DGKB: variants seen among roughly 807,000 people sequenced by gnomAD.
DGKB encodes 90 kDa diacylglycerol kinase.
Under a neutral mutation model 114.3 loss-of-function variants are expected in DGKB, and 67 were observed. That is an observed-to-expected ratio of 0.59 (90% confidence interval 0.48 to 0.72). The LOEUF is 0.72. Among genes scored for constraint, DGKB ranks in the 30% least tolerant of loss-of-function variants. DGKB has a pLI of 0.00. For synonymous variants in DGKB, 398 were observed against 323.1 expected, an observed-to-expected ratio of 1.23 and a Z score of -2.49; for missense variants, 907 against 975.2, an observed-to-expected ratio of 0.93 and a Z score of 0.93.
At chr7:14,365,552 C>A (rs1816532434) in intron 21 of DGKB, among the ~76,000 whole-genome samples, 1 of 151,954 alleles carries the variant, frequency 6.6e-6, no homozygotes, top group Non-Finnish European at 1.5e-5. Context: ...ATACATAGAT[C>A]ATATCTATCT....
chr7:14,149,343 G>A (rs892634527), intron 25 of DGKB, 105 bp from the exon 26 acceptor site: 1 of 769,578 alleles, frequency 1.3e-6, no homozygotes, highest in South Asian at 1.9e-5. Context: ...TATTTCATGA[G>A]TGACTGAAAC....
At chr7:14,165,125 G>A (rs970951323) in intron 25 of DGKB, among the ~76,000 whole-genome samples, 4 of 152,018 alleles carry the variant, frequency 2.6e-5, no homozygotes, top group African/African-American at 9.7e-5. Flanking sequence ...AGATATCCCA[G>A]AAAACATTAT....
chr7:14,449,444 C>T (rs1424431207), intron 21 of DGKB, among the ~76,000 whole-genome samples: 2 of 151,858 alleles, frequency 1.3e-5, no homozygotes, highest in Non-Finnish European at 2.9e-5. Context: ...TATCATTCGC[C>T]CACTCAAGAC....
At chr7:14,936,756 G>A (rs1457701444) in intron 1 of DGKB, among the ~76,000 whole-genome samples, 5 of 152,006 alleles carry the variant, frequency 3.3e-5, no homozygotes, top group Non-Finnish European at 7.4e-5. Flanking sequence ...ATGTCATCCT[G>A]CTGCGTTGTT....
chr7:14,874,565 C>G (rs1045652357), intron 1 of DGKB, among the ~76,000 whole-genome samples: 1 of 151,800 alleles, frequency 6.6e-6, no homozygotes, highest in African/African-American at 2.4e-5. Flanking sequence ...CTCTCTCTCT[C>G]TTTTTCTATA....
chr7:14,170,145 A>AAAAAAG (rs1369239302), intron 25 of DGKB, among the ~76,000 whole-genome samples: 5 of 100,006 alleles, frequency 5.0e-5, no homozygotes, highest in Admixed American at 2.4e-4. Flanking sequence ...AAAAAAAAAA[A>AAAAAAG]AAAGAAAGAA....
intron 23 of DGKB, among the ~76,000 whole-genome samples, chr7:14,183,948 AC>A (rs138160387): frequency 6.6e-6 from 1 of 151,942 alleles, no homozygotes; most frequent in South Asian, 2.1e-4. Context: ...AGCCTGGGAG[AC>A]CCCCCAAATA....
chr7:14,824,313 C>A (rs563467692), intron 2 of DGKB, among the ~76,000 whole-genome samples: 2 of 152,016 alleles, frequency 1.3e-5, no homozygotes, highest in South Asian at 4.1e-4. Context: ...TACGTTTTCA[C>A]GTTAAAAATA....
At chr7:14,158,671 G>A (rs886927120) in intron 25 of DGKB, among the ~76,000 whole-genome samples, 2 of 152,160 alleles carry the variant, frequency 1.3e-5, no homozygotes, top group African/African-American at 4.8e-5. Flanking sequence ...ATTGCTTGGT[G>A]TTATGATAAT....
intron 3 of DGKB, among the ~76,000 whole-genome samples, chr7:14,756,366 TC>T (rs1411612829): frequency 6.6e-6 from 1 of 151,960 alleles, no homozygotes; most frequent in Non-Finnish European, 1.5e-5. Context: ...AATTTTTTTT[TC>T]CTCCTCCTCT....
intron 1 of DGKB, among the ~76,000 whole-genome samples, chr7:14,885,441 G>A (rs1854892426): frequency 6.6e-6 from 1 of 151,912 alleles, no homozygotes; most frequent in Non-Finnish European, 1.5e-5. Flanking sequence ...TGGAGAGAGT[G>A]AGAATAGAGC....
chr7:14,187,676 A>G (rs907459141), intron 23 of DGKB, among the ~76,000 whole-genome samples: 1 of 152,202 alleles, frequency 6.6e-6, no homozygotes, highest in Non-Finnish European at 1.5e-5. Flanking sequence ...AATGCACCAC[A>G]TTTAACACTA....
At chr7:14,616,398 T>G (rs1806531761) in intron 15 of DGKB, among the ~76,000 whole-genome samples, 1 of 151,708 alleles carries the variant, frequency 6.6e-6, no homozygotes, top group African/African-American at 2.4e-5. Context: ...AATTCTCTTT[T>G]GGATTGTATC....
At chr7:14,813,172 C>T (rs10266053) in intron 2 of DGKB, among the ~76,000 whole-genome samples, 1 of 152,116 alleles carries the variant, frequency 6.6e-6, no homozygotes, top group African/African-American at 2.4e-5. Flanking sequence ...TTCAAAGGAC[C>T]TTCACCACCT....
intron 23 of DGKB, among the ~76,000 whole-genome samples, chr7:14,281,742 A>C (rs1170782600): frequency 6.6e-6 from 1 of 152,118 alleles, no homozygotes; most frequent in African/African-American, 2.4e-5. Flanking sequence ...GAAACTAAAC[A>C]ACCTGCTCCT....
At chr7:14,587,761 G>T (rs1584978600) in intron 17 of DGKB, among the ~76,000 whole-genome samples, 1 of 152,144 alleles carries the variant, frequency 6.6e-6, no homozygotes, top group East Asian at 1.9e-4. Flanking sequence ...ACTCCCTGGA[G>T]GCTCACATGA....
At chr7:14,458,539 C>T (rs1364335871) in intron 21 of DGKB, among the ~76,000 whole-genome samples, 1 of 152,034 alleles carries the variant, frequency 6.6e-6, no homozygotes, top group East Asian at 2.0e-4. Flanking sequence ...TGGGTGCAGC[C>T]CACAGAGGGT....
chr7:14,572,175 C>T (rs771274618), intron 20 of DGKB, among the ~76,000 whole-genome samples: 5 of 151,628 alleles, frequency 3.3e-5, no homozygotes, highest in African/African-American at 7.3e-5. Context: ...AAGTATAGGC[C>T]GGGCGCGGTA....
At chr7:14,914,208 G>A (rs182733380) in intron 1 of DGKB, among the ~76,000 whole-genome samples, 72 of 152,250 alleles carry the variant, frequency 4.7e-4, no homozygotes, top group African/African-American at 1.7e-3. Flanking sequence ...AAAAAGCTCA[G>A]CTCCATCATT....
Sources: gnomAD v4.1 joint callset for allele counts (sites outside exome capture counted in the v4.1 genomes callset) on GRCh38, gnomAD v4.1.1 for gene constraint, MANE v1.5 for transcripts, NCBI Gene and HGNC (gene_info 2026-07-23, HGNC 2026-07-21) for gene names.